WDFY3: variants seen among roughly 807,000 people sequenced by gnomAD.
The protein encoded by WDFY3 is WD repeat and FYVE domain-containing protein 3.
Under a neutral mutation model 409.6 loss-of-function variants are expected in WDFY3, and 66 were observed. That is an observed-to-expected ratio of 0.16 (90% CI 0.13 to 0.20). The LOEUF (loss-of-function observed/expected upper bound fraction) is 0.20, where lower values mean the gene tolerates loss of function less well. WDFY3 is among the 10% of genes least tolerant of loss of function. WDFY3 has a pLI of 1.00. For missense variants in WDFY3, 3,031 were observed against 4,298.1 expected (o/e 0.71, Z 8.24); for synonymous variants, 1,521 against 1,537.1 (o/e 0.99, Z 0.25).
At chr4:84,872,151 C>G (rs1762210096) in intron 3 of WDFY3, among the ~76,000 whole-genome samples, 1 of 152,030 alleles carries the variant, frequency 6.6e-6, no homozygotes, top group Non-Finnish European at 1.5e-5. Context: ...AAGGTGAATG[C>G]TGGCATCTAG....
Position 84,880,674 on chromosome 4 carries a change from C to CATATATATATAT in WDFY3, c.-32+16225_-32+16236dup, listed in dbSNP as rs61351182. Among the ~76,000 whole-genome samples the CATATATATATAT allele has an allele frequency of 1.9e-3, 97 of 50,342 alleles. 2 individuals carry two copies. The highest frequency in any genetic ancestry group is 2.3e-3 in the Non-Finnish European group (68 of 29,744). The allele number at this position is 50,342 out of a possible 152,430, so 33.0% of individuals were successfully genotyped here. On this transcript the variant is annotated intron_variant, in intron 3 of 67. Transcript: ENST00000295888. ...AGTGTTTGTCAATAAGGGAACCATACATATATATATATATATATATATATA... is the reference window on the plus strand; with the variant it reads ...AGTGTTTGTCAATAAGGGAACCATACATATATATATATATATATATATATATATATATATATA...
rs1359879289 is a variant in WDFY3 at position 84,860,634 on chromosome 4, T to A, written c.-31-12A>T. The A allele has an allele frequency of 1.3e-6, 2 of 1,549,116 alleles. No homozygotes were observed. Among genetic ancestry groups the A allele is most frequent in the Admixed American group, 3.6e-5 (2 of 56,092 alleles). On this transcript the variant is annotated splice_polypyrimidine_tract_variant and intron_variant, in intron 3 of 67. Coordinates refer to ENST00000295888, the MANE Select transcript of WDFY3 (RefSeq NM_014991.6). Reference sequence around the variant, plus strand: ...ACGCACTTCTAATTCTGTAGGAAAATGTCAATACATGAACAGTCAAAACAT... The same window carrying A: ...ACGCACTTCTAATTCTGTAGGAAAAAGTCAATACATGAACAGTCAAAACAT...
chr4:84,887,942 C>T (rs2150475243), intron 3 of WDFY3, among the ~76,000 whole-genome samples: 1 of 152,130 alleles, frequency 6.6e-6, no homozygotes, highest in Admixed American at 6.6e-5. Flanking sequence ...AAGAAAAAAC[C>T]CACAAAACCC....
In WDFY3 at chr4:84,766,203, A is replaced by G. The variant is rs754297561; in HGVS notation, c.4970+49T>C. On this transcript the variant is annotated intron_variant, in intron 31 of 67. Transcript: ENST00000295888. ...TTCCTTCTTTTGCCTAACATGAATT[A>G]ACTAGTAGTAGCAACTGGTATAATC... 3 of 1,537,830 alleles carry G rather than the reference A, an allele frequency of 2.0e-6. No homozygotes were observed. In the South Asian group the frequency reaches 3.7e-5, roughly 19 times the overall value.
intron 10 of WDFY3, among the ~76,000 whole-genome samples, chr4:84,823,678 A>G (rs946510322): frequency 6.6e-6 from 1 of 152,132 alleles, no homozygotes; most frequent in Admixed American, 6.6e-5. Flanking sequence ...AAAATGCAAA[A>G]CTTCATTAGT....
At chr4:84,744,408 G>GA (rs1274899871) in intron 36 of WDFY3, among the ~76,000 whole-genome samples, 2 of 151,756 alleles carry the variant, frequency 1.3e-5, no homozygotes, top group Non-Finnish European at 2.9e-5. Context: ...TAGATGTCAA[G>GA]AAAAAAATGG....
intron 9 of WDFY3, among the ~76,000 whole-genome samples, chr4:84,827,986 A>G (rs929311320): frequency 6.6e-6 from 1 of 151,306 alleles, no homozygotes; most frequent in Non-Finnish European, 1.5e-5. Context: ...TACTTAGGAA[A>G]CTGAGATAGG....
intron 8 of WDFY3, among the ~76,000 whole-genome samples, chr4:84,830,383 TTG>T (rs1366325550): frequency 6.6e-6 from 1 of 152,230 alleles, no homozygotes; most frequent in African/African-American, 2.4e-5. Flanking sequence ...AAAGTTGATT[TTG>T]TGTTAGATGA....
chr4:84,792,362 T>G lies in WDFY3; in HGVS notation c.3487+2157A>C, dbSNP rs916414309. On this transcript the variant is annotated intron_variant, in intron 21 of 67. Coordinates refer to ENST00000295888, the MANE Select transcript of WDFY3 (RefSeq NM_014991.6). ...GGACCAATGGAGGTGAAAGTAAATA[T>G]GAACATATGGGTGAAACAAGGAACT... Among the ~76,000 whole-genome samples, 26 of 152,298 alleles carry G rather than the reference T, an allele frequency of 1.7e-4. No homozygotes were observed. The East Asian group carries it at 2.7e-3, about 16-fold the overall frequency.
chr4:84,752,359 C>T (rs1286619173), intron 35 of WDFY3, among the ~76,000 whole-genome samples: 3 of 151,690 alleles, frequency 2.0e-5, no homozygotes, highest in Non-Finnish European at 4.4e-5. Flanking sequence ...ATTAAAAATA[C>T]AAAAAAATTG....
At chr4:84,937,361 C>A (rs1467765315) in intron 1 of WDFY3, among the ~76,000 whole-genome samples, 1 of 152,122 alleles carries the variant, frequency 6.6e-6, no homozygotes, top group South Asian at 2.1e-4. Flanking sequence ...GCGTTCTTTC[C>A]TAGTTCCTCC....
intron 4 of WDFY3, among the ~76,000 whole-genome samples, chr4:84,855,031 A>G (rs1044817952): frequency 1.3e-5 from 2 of 152,222 alleles, no homozygotes; most frequent in Non-Finnish European, 2.9e-5. Flanking sequence ...TTCATAACAG[A>G]TTAAAAAAAA....
intron 49 of WDFY3, among the ~76,000 whole-genome samples, chr4:84,715,907 C>T (rs945642544): frequency 6.0e-5 from 9 of 149,084 alleles, no homozygotes; most frequent in African/African-American, 2.2e-4. Flanking sequence ...TCTTTAGTAA[C>T]AGAATAAAAA....
Position 84,708,975 on chromosome 4 carries a change from G to A in WDFY3, c.8151C>T (p.Gly2717=). 1.2e-6 allele frequency: 2 copies of A among 1,613,794 alleles called. No homozygotes were observed. Among genetic ancestry groups the A allele is most frequent in the Non-Finnish European group, 8.5e-7 (1 of 1,179,712 alleles). Residue 2717 remains glycine (G), a synonymous_variant, in exon 53 of 68, where the codon GGC becomes GGT. Coordinates refer to ENST00000295888, the MANE Select transcript of WDFY3 (RefSeq NM_014991.6). ...QYLMHLNTLA[G]RSYNDLMQYP... ...ACTGCATGAGATCATTATATGATCT[G>A]CCAGCCAAAGTGTTCAAATGCATCA...
At chr4:84,823,665 T>C (rs1481584878) in intron 10 of WDFY3, among the ~76,000 whole-genome samples, 3 of 152,022 alleles carry the variant, frequency 2.0e-5, no homozygotes, top group Non-Finnish European at 2.9e-5. Flanking sequence ...ACAAAGCACA[T>C]AAAAAATGCA....
chr4:84,826,760 A>C (rs1270164739), intron 10 of WDFY3, 55 bp downstream of exon 10: 2 of 1,506,790 alleles, frequency 1.3e-6, no homozygotes, highest in African/African-American at 2.9e-5. Context: ...AATAAGACAA[A>C]TTCATTCTTT....
intron 2 of WDFY3, among the ~76,000 whole-genome samples, chr4:84,927,306 T>A (rs1770126908): frequency 6.8e-6 from 1 of 147,086 alleles, no homozygotes; most frequent in African/African-American, 2.5e-5. Context: ...AGAAATGTTA[T>A]TCCATATGTT....
At chr4:84,941,908 T>A (rs929936160) in intron 1 of WDFY3, among the ~76,000 whole-genome samples, 2 of 151,792 alleles carry the variant, frequency 1.3e-5, no homozygotes, top group African/African-American at 4.8e-5. Context: ...GTCAAGCAAT[T>A]TAATAGGGAA....
At chr4:84,837,762 G>GA (rs751044490) in intron 6 of WDFY3, among the ~76,000 whole-genome samples, 6 of 152,130 alleles carry the variant, frequency 3.9e-5, no homozygotes, top group Non-Finnish European at 8.8e-5. Flanking sequence ...TTTGGAACAA[G>GA]AAGTTCAACT....
Sources: gnomAD v4.1 joint callset for allele counts (sites outside exome capture counted in the v4.1 genomes callset) on GRCh38, gnomAD v4.1.1 for gene constraint, MANE v1.5 for transcripts, NCBI Gene and HGNC (gene_info 2026-07-23, HGNC 2026-07-21) for gene names.